Variants in SLC24A5 observed in about 807,000 individuals in gnomAD.
SLC24A5 encodes sodium/potassium/calcium exchanger 5.
A neutral mutation model predicts 51.6 loss-of-function variants in SLC24A5; 46 were observed. That is an observed-to-expected ratio of 0.89 (90% confidence interval 0.70 to 1.14). The LOEUF is 1.14. SLC24A5 is among the 50% of genes most tolerant of loss of function. SLC24A5 has a pLI of 0.00. For synonymous variants in SLC24A5, 230 were observed against 214.9 expected (o/e 1.07, Z -0.62); for missense variants, 581 against 604.1 (o/e 0.96, Z 0.40).
At chr15:48,122,329 G>C in intron 2 of SLC24A5, 1 of 557,196 alleles carries the variant, frequency 1.8e-6, no homozygotes, top group Non-Finnish European at 3.2e-6. Context: ...ACTGTTCCAA[G>C]ATTTCACTTG....
intron 2 of SLC24A5, among the ~76,000 whole-genome samples, chr15:48,133,809 G>C (rs1456509810): frequency 6.6e-6 from 1 of 152,156 alleles, no homozygotes; most frequent in Admixed American, 6.6e-5. Flanking sequence ...AAATTTGAAC[G>C]GACAGTTGAG....
chr15:48,138,147 T>C (rs2038948018), intron 6 of SLC24A5: 1 of 152,094 alleles, frequency 6.6e-6, no homozygotes, highest in Admixed American at 6.6e-5. Context: ...TTATATCTAA[T>C]ATTACTTAAT....
rs779621542 is a variant in SLC24A5 at position 48,121,175 on chromosome 15, C to T, written c.121+10C>T. ...CTCCCAAGGGCCACAGGTAGGTGGA[C>T]ATTGGGGTCAGTTAGCTCTGCAGCA... is the stretch of plus-strand genomic sequence containing the variant. On this transcript the variant is annotated intron_variant, in intron 1 of 8. Transcript: ENST00000341459. The T allele has an allele frequency of 2.5e-6, 4 of 1,605,964 alleles. No homozygotes were observed. Among genetic ancestry groups the T allele is most frequent in the Non-Finnish European group, 2.6e-6 (3 of 1,175,910 alleles).
At chr15:48,135,813 T>C (rs921665501) in intron 5 of SLC24A5, 4 of 152,150 alleles carry the variant, frequency 2.6e-5, no homozygotes, top group Non-Finnish European at 5.9e-5. Flanking sequence ...AAGCATAATT[T>C]CTAAACTAAT....
chr15:48,125,370 A>T (rs889688214), intron 2 of SLC24A5, among the ~76,000 whole-genome samples: 1 of 151,816 alleles, frequency 6.6e-6, no homozygotes, highest in Non-Finnish European at 1.5e-5. Context: ...TTTACTGATG[A>T]GGAAGCCAAG....
intron 2 of SLC24A5, 93 bp from the exon 3 acceptor site, chr15:48,134,165 G>A (rs2038837023): frequency 2.9e-6 from 3 of 1,048,036 alleles, no homozygotes; most frequent in Non-Finnish European, 4.4e-6. Context: ...GTGGTTTTAT[G>A]TGAAGCTGTA....
In SLC24A5 at chr15:48,134,284, G is replaced by A. The variant is rs758384415; in HGVS notation, c.328G>A (p.Gly110Ser). 1 of 1,613,622 alleles carries A rather than the reference G, an allele frequency of 6.2e-7. No individual in the cohort carries two copies. Among genetic ancestry groups the A allele is most frequent in the African/African-American group, 1.3e-5 (1 of 74,992 alleles). The change falls in exon 3 of 9, where the codon GGC becomes AGC. Residue 110 changes from glycine (G) to serine (S), a missense_variant. By Grantham distance (56) the Gly-to-Ser change is moderately conservative. Transcript: ENST00000341459. ...ESLGLSQDVA[G>S]TTFMAAGSSA... The stretch of plus-strand genomic sequence containing the variant: ...CCTTGGATTGTCTCAGGATGTTGCA[G>A]GCACAACTTTCATGGCAGCGGGCAG...
chr15:48,130,610 G>T (rs2038779874), intron 2 of SLC24A5, among the ~76,000 whole-genome samples: 1 of 152,134 alleles, frequency 6.6e-6, no homozygotes, highest in South Asian at 2.1e-4. Context: ...GTTATTTTAA[G>T]ATAAGGCATT....
intron 7 of SLC24A5, chr15:48,139,666 G>C (rs2039000810): frequency 6.6e-6 from 1 of 152,226 alleles, no homozygotes; most frequent in African/African-American, 2.4e-5. Flanking sequence ...GAGTGAAAAG[G>C]GCATAATAAT....
intron 2 of SLC24A5, among the ~76,000 whole-genome samples, chr15:48,128,943 C>T (rs2038760604): frequency 6.6e-6 from 1 of 152,126 alleles, no homozygotes; most frequent in South Asian, 2.1e-4. Context: ...TCTAGGTTCC[C>T]TTCCTACCTC....
chr15:48,130,543 A>G (rs2038779355), intron 2 of SLC24A5, among the ~76,000 whole-genome samples: 1 of 152,160 alleles, frequency 6.6e-6, no homozygotes, highest in African/African-American at 2.4e-5. Context: ...CTAATGAAGC[A>G]TTCTTCAGCT....
At position 48,140,764 on chromosome 15, in the gene SLC24A5, C is replaced by A. The variant is rs866484313; in HGVS notation, c.1079-349C>A. 2.1e-5 allele frequency: 4 copies of A among 192,872 alleles called. No homozygotes were observed. The Admixed American group carries it at 2.2e-4, about 10-fold the overall frequency. 11.9% of individuals were successfully genotyped at this position (192,872 alleles called of 1,614,324 possible). On this transcript the variant is annotated intron_variant, in intron 7 of 8. Transcript: ENST00000341459. ...ACTAATATTTTTAAGAAAGAAAAAG[C>A]GGAATGATCAGTCTCATTATCAAAT...
chr15:48,142,392 AG>A lies in SLC24A5; in HGVS notation c.*45del. ...TATGCAGAAAATATGAATGGCAGGG[AG>A]GGGCAGAGAGAAAAATCCATTTCTT... On this transcript the variant is annotated 3_prime_UTR_variant, in exon 9 of 9. Transcript: ENST00000341459. 3 of 1,292,926 alleles carry A rather than the reference AG, an allele frequency of 2.3e-6. No individual in the cohort carries two copies. The highest frequency in any genetic ancestry group is 3.1e-6 in the Non-Finnish European group (3 of 952,598). 80.1% of individuals were successfully genotyped at this position (1,292,926 alleles called of 1,614,324 possible).
At chr15:48,134,106 A>G in intron 2 of SLC24A5, 152 bp from the exon 3 acceptor site, 1 of 675,704 alleles carries the variant, frequency 1.5e-6, no homozygotes. Flanking sequence ...ATAAAGAAGC[A>G]AAACATTGGA....
chr15:48,121,160 C>T lies in SLC24A5; in HGVS notation c.116C>T (p.Ala39Val), dbSNP rs745378253. The part of the protein sequence containing the change: ...GTSLPQRLPR[A>V]TGNSTQCVIS... ...TCCCTGCCCCAACGTCTCCCAAGGG[C>T]CACAGGTAGGTGGACATTGGGGTCA... The change falls in exon 1 of 9, where the codon GCC (alanine) becomes GTC (valine). Residue 39 changes from alanine to valine, a missense_variant. Ala to Val is a moderately conservative substitution (Grantham distance 64). Coordinates refer to ENST00000341459, the MANE Select transcript of SLC24A5 (RefSeq NM_205850.3). 3 of 1,612,040 alleles carry T rather than the reference C, an allele frequency of 1.9e-6. No individual in the cohort carries two copies. The highest frequency in any genetic ancestry group is 2.2e-5 in the East Asian group (1 of 44,772).
chr15:48,136,540 T>C (rs2055350817), intron 5 of SLC24A5, 143 bp from the exon 6 acceptor site: 4 of 773,680 alleles, frequency 5.2e-6, no homozygotes, highest in Admixed American at 3.2e-5. Context: ...TGGACAAATC[T>C]ACAAAACAAA....
chr15:48,121,627 C>A (rs1182658808), intron 1 of SLC24A5, among the ~76,000 whole-genome samples: 3 of 152,166 alleles, frequency 2.0e-5, no homozygotes, highest in Non-Finnish European at 4.4e-5. Context: ...CTTTTTAATT[C>A]TTCACCATCA....
chr15:48,134,205 A>G, intron 2 of SLC24A5, 53 bp from the exon 3 acceptor site: 1 of 1,470,944 alleles, frequency 6.8e-7, no homozygotes, highest in East Asian at 2.3e-5. Context: ...TTTAGTTGTA[A>G]AGACATACTC....
chr15:48,136,756 C>A lies in SLC24A5; in HGVS notation c.664C>A (p.Gln222Lys). The A allele has an allele frequency of 1.2e-6, 2 of 1,613,256 alleles. No individual in the cohort carries two copies. The highest frequency in any genetic ancestry group is 1.7e-6 in the Non-Finnish European group (2 of 1,179,632). ...LVLCFDIKIN[Q>K]YIIKKCSPCC... ...GCTGTGTTTTGACATTAAAATTAAC[C>A]AATATATTATAAAGAAATGCAGTCC... is the stretch of plus-strand genomic sequence containing the variant. Residue 222 changes from glutamine to lysine, a missense_variant, in exon 6 of 9, where the codon CAA becomes AAA. Transcript: ENST00000341459.
Sources: gnomAD v4.1 joint callset for allele counts (sites outside exome capture counted in the v4.1 genomes callset) on GRCh38, gnomAD v4.1.1 for gene constraint, MANE v1.5 for transcripts, NCBI Gene and HGNC (gene_info 2026-07-23, HGNC 2026-07-21) for gene names.